Variants in USP15 observed in about 807,000 individuals in gnomAD.
The protein encoded by USP15 is ubiquitin carboxyl-terminal hydrolase 15.
A neutral mutation model predicts 127.1 loss-of-function variants in USP15; 18 were observed. The observed-to-expected ratio is 0.14, with a 90% CI of 0.10 to 0.21. The LOEUF (loss-of-function observed/expected upper bound fraction) is 0.21. Among genes scored for constraint, USP15 ranks in the 10% least tolerant of loss-of-function variants. The pLI is 1.00. For synonymous variants in USP15, 364 were observed against 393.7 expected (o/e 0.92, Z 0.89); for missense variants, 805 against 1,159.9 (o/e 0.69, Z 4.44).
At chr12:62,399,479 T>G (rs1242901051) in intron 20 of USP15, among the ~76,000 whole-genome samples, 1 of 152,212 alleles carries the variant, frequency 6.6e-6, no homozygotes, top group Non-Finnish European at 1.5e-5. Context: ...ATTGCTGATT[T>G]CTGTGACAAA....
chr12:62,281,698 C>A (rs1213196178), intron 1 of USP15, among the ~76,000 whole-genome samples: 2 of 151,376 alleles, frequency 1.3e-5, no homozygotes, highest in African/African-American at 2.4e-5. Flanking sequence ...TGTAGATAGC[C>A]CTAAGAGAAA....
intron 1 of USP15, among the ~76,000 whole-genome samples, chr12:62,292,074 G>A (rs1194636084): frequency 6.6e-6 from 1 of 152,006 alleles, no homozygotes; most frequent in Non-Finnish European, 1.5e-5. Flanking sequence ...CCCTGACAAG[G>A]GTGGCAGGGG....
chr12:62,379,765 C>G (rs1196986324), intron 8 of USP15, among the ~76,000 whole-genome samples: 1 of 151,996 alleles, frequency 6.6e-6, no homozygotes, highest in Non-Finnish European at 1.5e-5. Context: ...TAATGTTGAT[C>G]TTATTTTGTA....
chr12:62,389,927 A>G lies in USP15; in HGVS notation c.1783A>G (p.Met595Val), dbSNP rs2067269545. 4.3e-6 allele frequency: 7 copies of G among 1,613,652 alleles called. No individual in the cohort carries two copies. Among genetic ancestry groups the G allele is most frequent in the Non-Finnish European group, 5.9e-6 (7 of 1,179,818 alleles). ...TTCACTTTTTGGTCAGCCCTTTCTT[A>G]TGGCTGTACCACGAAACAATACTGA... The part of the protein sequence containing the change: ...GSSLFGQPFL[M>V]AVPRNNTEDK... The change falls in exon 14 of 22, where the codon ATG (methionine) becomes GTG (valine). Residue 595 changes from methionine to valine, a missense_variant. By Grantham distance (21) the Met-to-Val change is conservative. This residue lies in a region of USP15 where 225 missense variants were observed against 239.5 expected (regional missense o/e 0.94). Coordinates refer to ENST00000280377, the MANE Select transcript of USP15 (RefSeq NM_001252078.2).
intron 1 of USP15, among the ~76,000 whole-genome samples, chr12:62,268,302 T>C (rs1024951946): frequency 2.0e-5 from 3 of 152,138 alleles, no homozygotes; most frequent in Non-Finnish European, 4.4e-5. Flanking sequence ...AAATTCTAAG[T>C]GTACTGCCTG....
intron 1 of USP15, among the ~76,000 whole-genome samples, chr12:62,279,402 C>T (rs935764481): frequency 8.5e-5 from 13 of 152,054 alleles, no homozygotes; most frequent in South Asian, 2.1e-4. Flanking sequence ...AGGTTGTTTC[C>T]GCATCTTGGC....
At chr12:62,286,289 C>G (rs1240335358) in intron 1 of USP15, among the ~76,000 whole-genome samples, 1 of 152,124 alleles carries the variant, frequency 6.6e-6, no homozygotes, top group African/African-American at 2.4e-5. Context: ...TGCACAAAAT[C>G]ACTAATAATC....
chr12:62,371,478 A>G (rs1592687181), intron 8 of USP15, among the ~76,000 whole-genome samples: 1 of 152,192 alleles, frequency 6.6e-6, no homozygotes, highest in Admixed American at 6.5e-5. Flanking sequence ...CTGGTCAACA[A>G]TAAAATAAGC....
chr12:62,312,697 G>A (rs1366405989), intron 3 of USP15, among the ~76,000 whole-genome samples: 9 of 151,260 alleles, frequency 6.0e-5, no homozygotes, highest in Admixed American at 4.0e-4. Flanking sequence ...TCCCCCTTCC[G>A]ATCTTATTTC....
intron 11 of USP15, among the ~76,000 whole-genome samples, chr12:62,387,084 A>G (rs1247096567): frequency 1.3e-5 from 2 of 152,188 alleles, no homozygotes; most frequent in Non-Finnish European, 2.9e-5. Context: ...GTGGCCTAAC[A>G]TGACCCAAAC....
intron 3 of USP15, among the ~76,000 whole-genome samples, chr12:62,309,233 G>A (rs1433339929): frequency 6.6e-6 from 1 of 152,024 alleles, no homozygotes; most frequent in East Asian, 1.9e-4. Flanking sequence ...CCTATATTGC[G>A]AATGAAAAAG....
chr12:62,298,690 G>C (rs2137174680), intron 2 of USP15, among the ~76,000 whole-genome samples: 1 of 151,676 alleles, frequency 6.6e-6, no homozygotes, highest in East Asian at 1.9e-4. Flanking sequence ...ATAATATGTG[G>C]GTGGTGGCAT....
intron 8 of USP15, among the ~76,000 whole-genome samples, chr12:62,369,183 G>C (rs1323462879): frequency 2.0e-5 from 3 of 152,140 alleles, no homozygotes; most frequent in Non-Finnish European, 4.4e-5. Context: ...TTCTTTCTTT[G>C]AGTCTATGGG....
At position 62,361,575 on chromosome 12, in the gene USP15, A is replaced by T. The variant is rs190721828; in HGVS notation, c.915+6100A>T. Among the ~76,000 whole-genome samples the T allele has an allele frequency of 8.3e-4, 127 of 152,170 alleles. 2 individuals carry two copies. The highest frequency in any genetic ancestry group is 2.9e-3 in the African/African-American group (120 of 41,556). On this transcript the variant is annotated intron_variant, in intron 8 of 21. Transcript: ENST00000280377. ...GTGACTACATCTTATAACAGAAGTTATTAATGTAATTAGGCTGAAGTATCT... is the reference window on the plus strand; with the variant it reads ...GTGACTACATCTTATAACAGAAGTTTTTAATGTAATTAGGCTGAAGTATCT...
intron 1 of USP15, among the ~76,000 whole-genome samples, chr12:62,284,958 T>C (rs1278309697): frequency 1.3e-5 from 2 of 152,208 alleles, no homozygotes; most frequent in Non-Finnish European, 2.9e-5. Flanking sequence ...CAGTGTTAGC[T>C]GTATCACACT....
At chr12:62,366,158 A>T (rs565357418) in intron 8 of USP15, among the ~76,000 whole-genome samples, 1 of 152,212 alleles carries the variant, frequency 6.6e-6, no homozygotes, top group Non-Finnish European at 1.5e-5. Flanking sequence ...CCATTTTCAC[A>T]GTATTGATTC....
At chr12:62,350,166 AT>A (rs1243293970) in intron 7 of USP15, among the ~76,000 whole-genome samples, 4 of 151,988 alleles carry the variant, frequency 2.6e-5, no homozygotes, top group East Asian at 1.9e-4. Context: ...TAGTATTTAG[AT>A]TTTTTTCAGT....
chr12:62,392,960 T>C (rs1222963652), intron 18 of USP15, 93 bp from the exon 19 acceptor site: 1 of 1,424,164 alleles, frequency 7.0e-7, no homozygotes, highest in African/African-American at 1.4e-5. Flanking sequence ...ACTGAATAAA[T>C]GTAGAACTTT....
intron 7 of USP15, among the ~76,000 whole-genome samples, chr12:62,353,297 A>G (rs750908143): frequency 6.6e-6 from 1 of 152,104 alleles, no homozygotes; most frequent in Non-Finnish European, 1.5e-5. Flanking sequence ...TTTGCAAGTA[A>G]GTTTTTTGTT....
Sources: gnomAD v4.1 joint callset for allele counts (sites outside exome capture counted in the v4.1 genomes callset) on GRCh38, gnomAD v4.1.1 for gene constraint, gnomAD v4.1.1 regional missense constraint, MANE v1.5 for transcripts, NCBI Gene and HGNC (gene_info 2026-07-23, HGNC 2026-07-21) for gene names.